Variants in AHNAK2 observed in about 807,000 individuals in gnomAD.
AHNAK2 encodes the protein protein AHNAK2.
A neutral mutation model predicts 30.7 loss-of-function variants in AHNAK2; 18 were observed. The observed-to-expected ratio is 0.59, with a 90% CI of 0.41 to 0.87. The LOEUF (loss-of-function observed/expected upper bound fraction) is 0.87, where lower values mean the gene tolerates loss of function less well. Ranked by LOEUF, AHNAK2 falls within the 40% of genes least tolerant of loss-of-function variation. The pLI is 0.00. For synonymous variants in AHNAK2, 3,590 were observed against 3,073.8 expected (o/e 1.17, Z -5.56); for missense variants, 8,604 against 7,373.0 (o/e 1.17, Z -6.11).
intron 5 of AHNAK2, 45 bp downstream of exon 5, chr14:104,955,438 C>G (rs748712003): frequency 3.2e-6 from 5 of 1,579,216 alleles, no homozygotes; most frequent in South Asian, 2.4e-5. Context: ...CCCTCCCATC[C>G]TGGTGGGGAG....
In AHNAK2 at chr14:104,942,224, G is replaced by A. The variant is rs376580275; in HGVS notation, c.13227C>T (p.Asp4409=). The change falls in exon 7 of 7, where the codon GAC becomes GAT. Residue 4409 remains aspartate (D), a synonymous_variant. Coordinates refer to ENST00000333244, the MANE Select transcript of AHNAK2 (RefSeq NM_138420.4). ...TCACCTCCACCTTGGGGCCTTTCAGGTCCAGCTTGGGGACATTAACGTCTA... is the reference window on the plus strand; with the variant it reads ...TCACCTCCACCTTGGGGCCTTTCAGATCCAGCTTGGGGACATTAACGTCTA... ...PQIDVNVPKL[D]LKGPKVEVTS... 21 of 1,612,918 alleles carry A rather than the reference G, an allele frequency of 1.3e-5. No individual in the cohort carries two copies. Among genetic ancestry groups the A allele is most frequent in the Middle Eastern group, 3.3e-4 (2 of 6,076 alleles).
chr14:104,938,429 G>T lies in AHNAK2; in HGVS notation c.17022C>A (p.Pro5674=). ...GTCGTGCCTCAGGCTGTGTTTGAAT[G>T]GGAGCAGATCTCTGGACGTCATTTT... is the stretch of plus-strand genomic sequence containing the variant. ...DSKNDVQRSA[P]IQTQPEARPE... is the part of the protein sequence containing the mutation. Residue 5674 remains proline, a synonymous_variant, in exon 7 of 7, where the codon CCC becomes CCA. Coordinates refer to ENST00000333244, the MANE Select transcript of AHNAK2 (RefSeq NM_138420.4). 6.2e-7 allele frequency: 1 copy of T among 1,613,896 alleles called. No individual in the cohort carries two copies. The highest frequency in any genetic ancestry group is 1.1e-5 in the South Asian group (1 of 91,064).
Position 104,954,445 on chromosome 14 carries a change from G to C in AHNAK2, c.1006C>G (p.Pro336Ala). Reference sequence around the variant, plus strand: ...CTGCCTGGCTGTCCTGTCGATGAAGGGCCCTGTCCCGAGCCTGTCCTGAAT... The same window carrying C: ...CTGCCTGGCTGTCCTGTCGATGAAGCGCCCTGTCCCGAGCCTGTCCTGAAT... ...LRFRTGSGQG[P>A]SSTGQPGRGF... Residue 336 changes from proline to alanine, a missense_variant, in exon 7 of 7, where the codon CCT (proline) becomes GCT (alanine). Physicochemically the swap from Pro to Ala is conservative, Grantham distance 27. Coordinates refer to ENST00000333244, the MANE Select transcript of AHNAK2 (RefSeq NM_138420.4). This position sits in a 1 kb window ranked among gnomAD's most constrained non-coding sequence, Gnocchi z 4.3. The C allele has an allele frequency of 6.2e-7, 1 of 1,612,528 alleles. No individual in the cohort carries two copies. The highest frequency in any genetic ancestry group is 8.5e-7 in the Non-Finnish European group (1 of 1,179,510).
chr14:104,952,021 G>C lies in AHNAK2; in HGVS notation c.3430C>G (p.Arg1144Gly). The C allele has an allele frequency of 6.2e-7, 1 of 1,611,596 alleles. No homozygotes were observed. Among genetic ancestry groups the C allele is most frequent in the Non-Finnish European group, 8.5e-7 (1 of 1,179,438 alleles). ...GCCAGGGACAGTTCCCCCTCCAGCC[G>C]CGCACTGTCCAGCTTGGCTCCCGGG... ...EAPGAKLDSA[R>G]LEGELSLADK... The change falls in exon 7 of 7, where the codon CGG becomes GGG. Residue 1144 changes from arginine to glycine, a missense_variant. By Grantham distance (125) the Arg-to-Gly change is moderately radical (BLOSUM62 -2). Transcript: ENST00000333244.
rs565209712 is a variant in AHNAK2 at position 104,940,362 on chromosome 14, T to G, written c.15089A>C (p.Lys5030Thr). 5.0e-6 allele frequency: 8 copies of G among 1,613,860 alleles called. No homozygotes were observed. The highest frequency in any genetic ancestry group is 6.8e-6 in the Non-Finnish European group (8 of 1,179,874). Residue 5030 changes from lysine to threonine, a missense_variant, in exon 7 of 7, where the codon AAA becomes ACA. Transcript: ENST00000333244. The surrounding 1 kb of genome is among the most constrained non-coding windows in gnomAD (Gnocchi z 4.4). ...GFAMPKLALP[K>T]MKASKSGVSL... ...GACCCCACTCTTAGAAGCCTTCATT[T>G]TGGGAAGTGCAAGTTTTGGCATGGC...
At chr14:104,971,931 G>A (rs543583680) in intron 1 of AHNAK2, among the ~76,000 whole-genome samples, 5 of 152,382 alleles carry the variant, frequency 3.3e-5, no homozygotes, top group Admixed American at 6.5e-5. Flanking sequence ...GGAGGTCAGC[G>A]ATGGAACGGC....
chr14:104,938,415 G>A lies in AHNAK2; in HGVS notation c.17036C>T (p.Pro5679Leu), dbSNP rs1292569450. Residue 5679 changes from proline (P) to leucine (L), a missense_variant, in exon 7 of 7, where the codon CCT (proline) becomes CTT (leucine). Transcript: ENST00000333244. ...CAGTTCTGCCTCTGGTCGTGCCTCA[G>A]GCTGTGTTTGAATGGGAGCAGATCT... The part of the protein sequence containing the change: ...VQRSAPIQTQ[P>L]EARPEAELPK... 4 of 1,613,818 alleles carry A rather than the reference G, an allele frequency of 2.5e-6. No homozygotes were observed. The highest frequency in any genetic ancestry group is 3.4e-6 in the Non-Finnish European group (4 of 1,179,900).
intron 1 of AHNAK2, among the ~76,000 whole-genome samples, chr14:104,958,984 G>A (rs1325341120): frequency 6.6e-6 from 1 of 152,188 alleles, no homozygotes; most frequent in Non-Finnish European, 1.5e-5. Context: ...TCAAAGGGCT[G>A]AAAGAAACTG....
At position 104,961,073 on chromosome 14, in the gene AHNAK2, G is replaced by A. The variant is rs562048155; in HGVS notation, c.56-3401C>T. 4.8e-3 allele frequency among the ~76,000 whole-genome samples: 725 copies of A among 152,156 alleles called. 5 individuals are homozygous for A. The highest frequency in any genetic ancestry group is 7.8e-3 in the Non-Finnish European group (531 of 67,986). On this transcript the variant is annotated intron_variant, in intron 1 of 6. Transcript: ENST00000333244. ...TTGAACCCAGGAGGTGGAGGTTGCA[G>A]TGAGCTGAGATTGTTCCACTGCACT...
rs1162510591 is a variant in AHNAK2, at chr14:104,939,001, T to C, written c.16450A>G (p.Thr5484Ala). ...ACTGAGAGATCTACAAACTCTGGTG[T>C]CACTATGCTGTGTATAGTGACCTCT... Reference protein sequence around the residue: ...SQEVTIHSIVTPEFVDLSVPR... With the variant: ...SQEVTIHSIVAPEFVDLSVPR... The change falls in exon 7 of 7, where the codon ACA (threonine) becomes GCA (alanine). Residue 5484 changes from threonine (T) to alanine (A), a missense_variant. Transcript: ENST00000333244. 1 of 1,611,550 alleles carries C rather than the reference T, an allele frequency of 6.2e-7. No individual in the cohort carries two copies. Among genetic ancestry groups the C allele is most frequent in the Non-Finnish European group, 8.5e-7 (1 of 1,178,998 alleles).
rs1566899065 is a variant in AHNAK2, at chr14:104,942,749, G to A, written c.12702C>T (p.Pro4234=). 2 of 1,613,054 alleles carry A rather than the reference G, an allele frequency of 1.2e-6. No individual in the cohort carries two copies. The highest frequency in any genetic ancestry group is 3.3e-5 in the Admixed American group (2 of 59,948). ...LKMPKVALKG[P]QVDVKGPKLD... is the part of the protein sequence containing the mutation. ...GCTTGGGGCCCTTGACATCCACCTG[G>A]GGGCCCTTGAGGGCCACTTTGGGCA... Residue 4234 remains proline, a synonymous_variant, in exon 7 of 7, where the codon CCC becomes CCT. Transcript: ENST00000333244.
In AHNAK2 at chr14:104,942,933, T is replaced by G; in HGVS notation, c.12518A>C (p.Gln4173Pro). The G allele has an allele frequency of 6.2e-7, 1 of 1,613,312 alleles. No homozygotes were observed. The highest frequency in any genetic ancestry group is 1.1e-5 in the South Asian group (1 of 91,048). ...GAGGTCAGTGGTCTTGAGGTCCCCC[T>G]GCATGGAGGGGAGGCTCACGTCGGC... The part of the protein sequence containing the change: ...AKADVSLPSM[Q>P]GDLKTTDLSI... The change falls in exon 7 of 7, where the codon CAG becomes CCG. Residue 4173 changes from glutamine to proline, a missense_variant. Coordinates refer to ENST00000333244, the MANE Select transcript of AHNAK2 (RefSeq NM_138420.4).
chr14:104,977,358 C>T (rs2582492), intron 1 of AHNAK2, among the ~76,000 whole-genome samples: 61,686 of 152,068 alleles, frequency 0.41, 13,810 homozygotes, highest in African/African-American at 0.61. Flanking sequence ...ACCCAGGCCC[C>T]GGAACCAGGC....
At chr14:104,958,203 C>T (rs1415923426) in intron 1 of AHNAK2, among the ~76,000 whole-genome samples, 1 of 152,136 alleles carries the variant, frequency 6.6e-6, no homozygotes, top group East Asian at 1.9e-4. Context: ...AATCCCAGGA[C>T]TTTGGGAGGC....
rs545174898 is a variant in AHNAK2, at chr14:104,968,355, G to A, written c.55+9828C>T. 1.2e-4 allele frequency among the ~76,000 whole-genome samples: 18 copies of A among 152,268 alleles called. No homozygotes were observed. In the East Asian group the frequency reaches 3.5e-3, roughly 29 times the overall value. On this transcript the variant is annotated intron_variant, in intron 1 of 6. Transcript: ENST00000333244. ...ATCCTGGCGCAGGGCCTGAGCAGGC[G>A]GGGCCTCAGGCAGTGTGTCTGGGGG...
In AHNAK2 at chr14:104,978,101, C is replaced by G. The variant is rs1020425965; in HGVS notation, c.55+82G>C. On this transcript the variant is annotated intron_variant, in intron 1 of 6. Coordinates refer to ENST00000333244, the MANE Select transcript of AHNAK2 (RefSeq NM_138420.4). ...CCGCCCCCAAGGCCCGCACTGCGCG[C>G]CCCTGGACACGCCCCGGCGCGCGCC... 32 of 1,127,478 alleles carry G rather than the reference C, an allele frequency of 2.8e-5. No homozygotes were observed. The African/African-American group carries it at 4.9e-4, about 17-fold the overall frequency. 69.8% of individuals were successfully genotyped at this position (1,127,478 alleles called of 1,614,324 possible).
At position 104,953,848 on chromosome 14, in the gene AHNAK2, C is replaced by A. The variant is rs749312929; in HGVS notation, c.1603G>T (p.Ala535Ser). 1 of 1,613,834 alleles carries A rather than the reference C, an allele frequency of 6.2e-7. No individual in the cohort carries two copies. Among genetic ancestry groups the A allele is most frequent in the Non-Finnish European group, 8.5e-7 (1 of 1,179,834 alleles). ...TGLKGEEVEGAGWMPGREPTT... is the reference protein window; with the variant it reads ...TGLKGEEVEGSGWMPGREPTT... Reference sequence around the variant, plus strand: ...GGTTCCCTGCCCGGCATCCACCCGGCTCCTTCCACCTCCTCACCCTTCAGG... The same window carrying A: ...GGTTCCCTGCCCGGCATCCACCCGGATCCTTCCACCTCCTCACCCTTCAGG... The change falls in exon 7 of 7, where the codon GCC becomes TCC. Residue 535 changes from alanine to serine, a missense_variant. By Grantham distance (99) the Ala-to-Ser change is moderately conservative. Coordinates refer to ENST00000333244, the MANE Select transcript of AHNAK2 (RefSeq NM_138420.4).
intron 1 of AHNAK2, among the ~76,000 whole-genome samples, chr14:104,957,996 G>C (rs1566922798): frequency 6.6e-6 from 1 of 152,178 alleles, no homozygotes; most frequent in Non-Finnish European, 1.5e-5. Context: ...AGAGCTGCCA[G>C]AATATATTAT....
Position 104,952,796 on chromosome 14 carries a change from G to T in AHNAK2, c.2655C>A (p.Pro885=), listed in dbSNP as rs1291551834. Residue 885 remains proline, a synonymous_variant, in exon 7 of 7, where the codon CCC becomes CCA. Coordinates refer to ENST00000333244, the MANE Select transcript of AHNAK2 (RefSeq NM_138420.4). ...DLKATDLSIQ[P]PSADLEVQAG... ...CCTGGACCTCCAGGTCAGCGGAAGGGGGCTGAATGCTGAGGTCAGTGGCCT... is the reference window on the plus strand; with the variant it reads ...CCTGGACCTCCAGGTCAGCGGAAGGTGGCTGAATGCTGAGGTCAGTGGCCT... 1 of 1,611,004 alleles carries T rather than the reference G, an allele frequency of 6.2e-7. No individual in the cohort carries two copies. Among genetic ancestry groups the T allele is most frequent in the African/African-American group, 1.4e-5 (1 of 73,846 alleles).
Sources: allele counts gnomAD v4.1 joint callset (sites outside exome capture counted in the v4.1 genomes callset), GRCh38; gene constraint gnomAD v4.1.1; non-coding constraint Gnocchi (gnomAD v3.1); transcripts MANE v1.5; gene names NCBI Gene and HGNC (gene_info 2026-07-23, HGNC 2026-07-21).